Variants in PRR16 observed in about 807,000 individuals in gnomAD.
PRR16 encodes the protein protein Largen.
In PRR16, 6 loss-of-function variants were observed where a neutral mutation model predicts 18.2. The observed-to-expected ratio is 0.33, with a 90% CI of 0.18 to 0.65. PRR16 has a LOEUF of 0.65. PRR16 is among the 30% of genes least tolerant of loss of function. The probability of loss-of-function intolerance (pLI) is 0.74; values close to 1 mark genes in which losing one functional copy is unlikely to be tolerated. For missense variants in PRR16, 412 were observed against 376.6 expected (o/e 1.09, Z -0.78); for synonymous variants, 151 against 147.8 (o/e 1.02, Z -0.16).
At chr5:120,766,475 C>T in the PRR16 span, among the ~76,000 whole-genome samples, 2 of 151,810 alleles carry the variant, frequency 1.3e-5, no homozygotes, top group African/African-American at 2.4e-5. Flanking sequence ...AGTTTTGACA[C>T]ACTCAGTACT....
chr5:120,725,878 G>T, the PRR16 span, among the ~76,000 whole-genome samples: 2 of 152,156 alleles, frequency 1.3e-5, no homozygotes, highest in South Asian at 4.1e-4. Context: ...TGAGAAGGCA[G>T]AAGAACCCCT....
In PRR16 at chr5:120,587,587, C is replaced by T. The variant is rs76232580; in HGVS notation, c.160-98367C>T. Among the ~76,000 whole-genome samples, 777 of 152,264 alleles carry T rather than the reference C, an allele frequency of 5.1e-3. 4 individuals are homozygous for T. Among genetic ancestry groups the T allele is most frequent in the African/African-American group, 0.017 (717 of 41,546 alleles). On this transcript the variant is annotated intron_variant, in intron 1 of 1. Transcript: ENST00000407149. ...TGGAACAACAAAGCCTGAATGAAAG[C>T]ACATCTGTTTACAGCACGATAAACT... is the stretch of plus-strand genomic sequence containing the variant.
At chr5:120,466,547 T>G (rs1002982716) in intron 1 of PRR16, among the ~76,000 whole-genome samples, 2 of 152,248 alleles carry the variant, frequency 1.3e-5, no homozygotes, top group African/African-American at 2.4e-5. Context: ...TGGTCCTGGT[T>G]TTGCTTTGCA....
the PRR16 span, among the ~76,000 whole-genome samples, chr5:120,779,901 C>T: frequency 6.6e-6 from 1 of 152,120 alleles, no homozygotes; most frequent in African/African-American, 2.4e-5. Flanking sequence ...AAGAATCAAG[C>T]TCTTGGGTAG....
chr5:120,681,111 T>G (rs2122192), intron 1 of PRR16, among the ~76,000 whole-genome samples: 116,534 of 151,896 alleles, frequency 0.77, 44,846 homozygotes, highest in East Asian at 0.88. Context: ...TTTTATACAT[T>G]ATTTTAATCT....
intron 1 of PRR16, among the ~76,000 whole-genome samples, chr5:120,676,306 A>G (rs1232917249): frequency 6.6e-6 from 1 of 152,184 alleles, no homozygotes; most frequent in Non-Finnish European, 1.5e-5. Context: ...CTCCTAAAAC[A>G]TCTCCTTAAA....
chr5:120,635,760 C>G (rs1755207400), intron 1 of PRR16, among the ~76,000 whole-genome samples: 1 of 151,988 alleles, frequency 6.6e-6, no homozygotes, highest in Admixed American at 6.6e-5. Context: ...TACTGAAAGT[C>G]CTAGCCAGAG....
At chr5:120,716,832 A>T in the PRR16 span, among the ~76,000 whole-genome samples, 1 of 152,184 alleles carries the variant, frequency 6.6e-6, no homozygotes, top group Non-Finnish European at 1.5e-5. Flanking sequence ...AGATTGCATC[A>T]CTGCACTCCA....
chr5:120,490,960 C>G (rs890491069), intron 1 of PRR16, among the ~76,000 whole-genome samples: 2 of 152,182 alleles, frequency 1.3e-5, no homozygotes, highest in East Asian at 1.9e-4. Context: ...GGAGGCTGCA[C>G]AACAGCGGAT....
the PRR16 span, chr5:120,710,676 T>C: frequency 6.6e-6 from 1 of 152,072 alleles, no homozygotes. Context: ...ACAAATGTAT[T>C]ATTATTATTT....
the PRR16 span, among the ~76,000 whole-genome samples, chr5:120,753,538 C>T: frequency 6.6e-6 from 1 of 151,538 alleles, no homozygotes; most frequent in African/African-American, 2.4e-5. Flanking sequence ...TGATCTATAT[C>T]TGTGTGTTTA....
At chr5:120,522,162 T>C (rs1368666695) in intron 1 of PRR16, among the ~76,000 whole-genome samples, 6 of 152,244 alleles carry the variant, frequency 3.9e-5, no homozygotes, top group Admixed American at 1.3e-4. Context: ...AGCAGCATGA[T>C]TTATAATCCT....
intron 1 of PRR16, among the ~76,000 whole-genome samples, chr5:120,548,585 G>T (rs1752148784): frequency 6.6e-6 from 1 of 152,078 alleles, no homozygotes; most frequent in African/African-American, 2.4e-5. Flanking sequence ...CTTTCTGGAT[G>T]ACAGAGTAAC....
chr5:120,513,097 A>T (rs1167405477), intron 1 of PRR16, among the ~76,000 whole-genome samples: 2 of 152,264 alleles, frequency 1.3e-5, no homozygotes, highest in East Asian at 3.9e-4. Flanking sequence ...GGAGTAATAC[A>T]GCCAAGTGAT....
chr5:120,557,574 T>A (rs1368624926), intron 1 of PRR16, among the ~76,000 whole-genome samples: 1 of 151,892 alleles, frequency 6.6e-6, no homozygotes, highest in African/African-American at 2.4e-5. Context: ...TAATTCACCC[T>A]GTCATTAGTT....
intron 1 of PRR16, among the ~76,000 whole-genome samples, chr5:120,601,872 AT>A (rs1409157563): frequency 6.6e-6 from 1 of 151,888 alleles, no homozygotes; most frequent in Admixed American, 6.6e-5. Flanking sequence ...TCAGATGGTT[AT>A]AGATGAGTGG....
At chr5:120,610,950 GA>G (rs1347977190) in intron 1 of PRR16, among the ~76,000 whole-genome samples, 1 of 152,182 alleles carries the variant, frequency 6.6e-6, no homozygotes, top group Non-Finnish European at 1.5e-5. Flanking sequence ...GAGACTTGTT[GA>G]ATGACTTTGC....
At chr5:120,525,170 G>A (rs1316618668) in intron 1 of PRR16, among the ~76,000 whole-genome samples, 2 of 151,922 alleles carry the variant, frequency 1.3e-5, no homozygotes, top group Non-Finnish European at 2.9e-5. Context: ...AATATGCTTT[G>A]TAAACTTCAA....
chr5:120,632,343 A>G (rs1755085841), intron 1 of PRR16, among the ~76,000 whole-genome samples: 1 of 152,176 alleles, frequency 6.6e-6, no homozygotes, highest in Non-Finnish European at 1.5e-5. Flanking sequence ...AAAATTTTGT[A>G]CCAGCTCACC....
Sources: allele counts gnomAD v4.1 joint callset (sites outside exome capture counted in the v4.1 genomes callset), GRCh38; gene constraint gnomAD v4.1.1; transcripts MANE v1.5; gene names NCBI Gene and HGNC (gene_info 2026-07-23, HGNC 2026-07-21).